The following LMO7 variants were observed in gnomAD, a reference collection of about 807,000 sequenced individuals.
The protein encoded by LMO7 is LIM domain 7.
LMO7 carries 120 observed loss-of-function variants against 206.5 expected under a neutral mutation model. The ratio of observed to expected loss-of-function variants is 0.58; its 90% CI spans 0.50 to 0.68. The LOEUF (loss-of-function observed/expected upper bound fraction) is 0.68. Among genes scored for constraint, LMO7 ranks in the 30% least tolerant of loss-of-function variants. The probability of loss-of-function intolerance (pLI) is 0.00; values close to 1 mark genes in which losing one functional copy is unlikely to be tolerated. For missense variants in LMO7, 1,959 were observed against 1,957.9 expected (o/e 1.00, Z -0.01); for synonymous variants, 706 against 681.5 (o/e 1.04, Z -0.56).
At chr13:75,838,357 C>T (rs1010501366) in intron 20 of LMO7, 161 bp downstream of exon 20, 8 of 1,488,174 alleles carry the variant, frequency 5.4e-6, no homozygotes, top group Non-Finnish European at 7.2e-6. Flanking sequence ...GGTCATCAGG[C>T]TTTTCTTACA....
chr13:75,675,773 T>G (rs2039951265), intron 1 of LMO7, among the ~76,000 whole-genome samples: 1 of 152,216 alleles, frequency 6.6e-6, no homozygotes, highest in Non-Finnish European at 1.5e-5. Flanking sequence ...CTTATTTAGT[T>G]GAAGGAGTTG....
intron 15 of LMO7, among the ~76,000 whole-genome samples, chr13:75,831,360 T>C (rs1307384952): frequency 1.3e-5 from 2 of 152,154 alleles, no homozygotes; most frequent in African/African-American, 4.8e-5. Context: ...TAAATGTATG[T>C]CAAACAATTG....
At chr13:75,663,432 C>CTTTCTTTCTTTCTTTCTTT (rs1555289857) in intron 1 of LMO7, among the ~76,000 whole-genome samples, 14 of 111,380 alleles carry the variant, frequency 1.3e-4, no homozygotes, top group East Asian at 2.5e-4. Context: ...TTCTTTCTTT[C>CTTTCTTTCTTTCTTTCTTT]TTTTTTTTTT....
chr13:75,840,746 G>C (rs969079400), intron 22 of LMO7, among the ~76,000 whole-genome samples: 2 of 152,118 alleles, frequency 1.3e-5, no homozygotes, highest in Non-Finnish European at 2.9e-5. Context: ...ACTCACTTAG[G>C]GGGTGTGAAG....
chr13:75,808,075 C>A lies in LMO7; in HGVS notation c.1792C>A (p.Leu598Met). ...MLTRKIQSWK[L>M]GTTVPPISFT... ...GACACGTAAGATTCAGTCCTGGAAA[C>A]TGGGAACTACCGTGCCTCCCATCAG... The change falls in exon 10 of 31, where the codon CTG (leucine) becomes ATG (methionine). Residue 598 changes from leucine to methionine, a missense_variant. By Grantham distance (15) the Leu-to-Met change is conservative. Transcript: ENST00000377534. 6.2e-7 allele frequency: 1 copy of A among 1,613,954 alleles called. No homozygotes were observed. Among genetic ancestry groups the A allele is most frequent in the South Asian group, 1.1e-5 (1 of 91,086 alleles).
intron 28 of LMO7, 108 bp from the exon 29 acceptor site, chr13:75,855,152 G>T: frequency 1.5e-6 from 1 of 667,182 alleles, no homozygotes; most frequent in South Asian, 2.0e-5. Context: ...TATATGTATA[G>T]AGCTTTTCTT....
intron 1 of LMO7, among the ~76,000 whole-genome samples, chr13:75,681,914 G>A (rs2040571279): frequency 6.6e-6 from 1 of 151,702 alleles, no homozygotes; most frequent in Admixed American, 6.6e-5. Context: ...CCATTTGAAG[G>A]AGATTTGGGT....
intron 1 of LMO7, among the ~76,000 whole-genome samples, chr13:75,672,534 C>T (rs908218609): frequency 1.1e-4 from 17 of 152,120 alleles, no homozygotes; most frequent in African/African-American, 2.9e-4. Context: ...TTTAACTTGT[C>T]CTCTTTTGCT....
At chr13:75,633,772 T>C (rs924598416), upstream of LMO7, among the ~76,000 whole-genome samples, 20 of 152,214 alleles carry the variant, frequency 1.3e-4, no homozygotes, top group Non-Finnish European at 1.8e-4. Context: ...TTGATAATTA[T>C]TGTTAGTTTT....
At chr13:75,773,120 A>T (rs2049962977) in intron 4 of LMO7, among the ~76,000 whole-genome samples, 2 of 152,170 alleles carry the variant, frequency 1.3e-5, no homozygotes, top group Non-Finnish European at 2.9e-5. Context: ...AAGGGCACAG[A>T]GGCAAGAAGT....
At position 75,636,531 on chromosome 13, in the gene LMO7, CAGCCGGAGCGGA is replaced by C. The variant is rs2035875440; in HGVS notation, c.-118_-107del. The C allele has an allele frequency of 2.0e-6, 3 of 1,518,966 alleles. No individual in the cohort carries two copies. Among genetic ancestry groups the C allele is most frequent in the African/African-American group, 1.4e-5 (1 of 72,018 alleles). The allele number at this position is 1,518,966 out of a possible 1,614,324, so 94.1% of individuals were successfully genotyped here. A position where few individuals can be genotyped will look rare whatever the true frequency, so the allele number is the denominator to read the frequency against. On this transcript the variant is annotated 5_prime_UTR_variant, in exon 1 of 31. Coordinates refer to ENST00000377534, the MANE Select transcript of LMO7 (RefSeq NM_001306080.2). ...GGGAACTAGAGCCCCGGCGCCTTCG[CAGCCGGAGCGGA>C]AGCCGGAGTTGTGGGAGGCCCGCGT...
At position 75,737,310 on chromosome 13, in the gene LMO7, A is replaced by G. The variant is rs77033391; in HGVS notation, c.210+10212A>G. On this transcript the variant is annotated intron_variant, in intron 3 of 30. Transcript: ENST00000377534. The stretch of plus-strand genomic sequence containing the variant: ...GGAGTGTGGCTTTGCTAACACCTTG[A>G]TTTTGGACTTGTAGCATCCAGAATT... 1.1e-3 allele frequency among the ~76,000 whole-genome samples: 168 copies of G among 152,254 alleles called. 3 individuals are homozygous for G. In the East Asian group the frequency reaches 0.017, roughly 15 times the overall value.
rs567609469 is a variant in LMO7, at chr13:75,808,323, C to T, written c.1916+124C>T. 76 of 1,132,520 alleles carry T rather than the reference C, an allele frequency of 6.7e-5. No individual in the cohort carries two copies. The East Asian group carries it at 1.4e-3, about 21-fold the overall frequency. The allele number at this position is 1,132,520 out of a possible 1,614,324, so 70.2% of individuals were successfully genotyped here. A position where few individuals can be genotyped will look rare whatever the true frequency, so the allele number is the denominator to read the frequency against. On this transcript the variant is annotated intron_variant, in intron 10 of 30. Coordinates refer to ENST00000377534, the MANE Select transcript of LMO7 (RefSeq NM_001306080.2). ...TGTCGCGTGCCATTTTGAAGCATCC[C>T]GTAAAATTTAATTTGCTTTGAAAAA...
At chr13:75,653,935 T>C (rs1359682607) in intron 1 of LMO7, among the ~76,000 whole-genome samples, 1 of 152,204 alleles carries the variant, frequency 6.6e-6, no homozygotes, top group Non-Finnish European at 1.5e-5. Flanking sequence ...TATAATTTCA[T>C]TGTGTGCTTT....
At chr13:75,777,647 G>T (rs376106640) in intron 4 of LMO7, among the ~76,000 whole-genome samples, 17 of 132,066 alleles carry the variant, frequency 1.3e-4, no homozygotes, top group South Asian at 2.4e-4. Flanking sequence ...TTCTTTTCTT[G>T]TTTTTTTTTT....
chr13:75,772,912 G>C (rs948122621), intron 4 of LMO7, among the ~76,000 whole-genome samples: 3 of 152,032 alleles, frequency 2.0e-5, no homozygotes, highest in Admixed American at 2.0e-4. Flanking sequence ...CTGGGGCAGG[G>C]CTGGGATTCT....
intron 3 of LMO7, among the ~76,000 whole-genome samples, chr13:75,741,317 G>A (rs1051638852): frequency 1.5e-4 from 23 of 152,148 alleles, no homozygotes; most frequent in African/African-American, 5.3e-4. Context: ...TAAAGACATA[G>A]GAGAGTACTA....
rs780577684 is a variant in LMO7 at position 75,800,707 on chromosome 13, GAAAA to G, written c.487_490del (p.Lys163GlufsTer43). ...AGGCACTCGAAGACTCCAGCTTCCT[GAAAA>G]GAAGTGGCAGGGACAGTGGCTACGG... On this transcript the variant is annotated frameshift_variant, in exon 7 of 31. Transcript: ENST00000377534. LOFTEE classifies it high-confidence loss of function. The G allele has an allele frequency of 1.3e-5, 21 of 1,613,994 alleles. No homozygotes were observed. Among genetic ancestry groups the G allele is most frequent in the Non-Finnish European group, 1.7e-5 (20 of 1,179,994 alleles).
At chr13:75,798,383 G>T (rs1319247239) in intron 6 of LMO7, among the ~76,000 whole-genome samples, 4 of 152,176 alleles carry the variant, frequency 2.6e-5, no homozygotes, top group Non-Finnish European at 4.4e-5. Context: ...AACCATGTGG[G>T]ACTTTGGCTT....
Sources: allele counts gnomAD v4.1 joint callset (sites outside exome capture counted in the v4.1 genomes callset), GRCh38; gene constraint gnomAD v4.1.1; transcripts MANE v1.5; gene names NCBI Gene and HGNC (gene_info 2026-07-23, HGNC 2026-07-21).